Variants in UNC45B observed in about 807,000 individuals in gnomAD.
UNC45B encodes unc-45 myosin chaperone B, also known as protein unc-45 homolog B.
A neutral mutation model predicts 98.7 loss-of-function variants in UNC45B; 78 were observed. The ratio of observed to expected loss-of-function variants is 0.79; its 90% CI spans 0.66 to 0.95. The LOEUF is 0.95. Ranked by LOEUF, UNC45B falls within the 40% of genes least tolerant of loss-of-function variation. The probability of loss-of-function intolerance (pLI) is 0.00; values close to 1 mark genes in which losing one functional copy is unlikely to be tolerated. For missense variants in UNC45B, 1,225 were observed against 1,184.9 expected (o/e 1.03, Z -0.50); for synonymous variants, 462 against 480.4 (o/e 0.96, Z 0.50).
chr17:35,148,215 G>A (rs758933704), intron 1 of UNC45B, 49 bp from the exon 2 acceptor site: 8 of 1,603,054 alleles, frequency 5.0e-6, no homozygotes, highest in Non-Finnish European at 6.8e-6. Flanking sequence ...GCCCAGCCCT[G>A]GGTCTGCAGT....
chr17:35,188,083 G>C lies in UNC45B; in HGVS notation c.*1524G>C, dbSNP rs768883815. 1 of 152,218 alleles carries C rather than the reference G, an allele frequency of 6.6e-6. No individual in the cohort carries two copies. The highest frequency in any genetic ancestry group is 1.5e-5 in the Non-Finnish European group (1 of 68,034). 9.4% of individuals were successfully genotyped at this position (152,218 alleles called of 1,614,324 possible). On this transcript the variant is annotated 3_prime_UTR_variant, in exon 20 of 20. Coordinates refer to ENST00000394570, the MANE Select transcript of UNC45B (RefSeq NM_001267052.2). ...CAACATAATACCCGCTGTACCTCTA[G>C]AGAACTAAAACCTTAATTTCTCAGA...
chr17:35,177,119 C>T lies in UNC45B; in HGVS notation c.2128C>T (p.Pro710Ser), dbSNP rs2142586019. Residue 710 changes from proline (P) to serine (S), a missense_variant, in exon 16 of 20, where the codon CCT (proline) becomes TCT (serine). Transcript: ENST00000394570. The stretch of plus-strand genomic sequence containing the variant: ...TGTCTCCAATCCGGACATTGCTTTT[C>T]CTGGGGAGCGGGTAGGTGCTTGGGT... ...AAVSNPDIAF[P>S]GERVYEVVRP... 2 of 1,614,092 alleles carry T rather than the reference C, an allele frequency of 1.2e-6. No homozygotes were observed. Among genetic ancestry groups the T allele is most frequent in the East Asian group, 4.5e-5 (2 of 44,870 alleles).
intron 7 of UNC45B, 48 bp from the exon 8 acceptor site, chr17:35,159,327 G>A: frequency 6.5e-7 from 1 of 1,547,356 alleles, no homozygotes; most frequent in Admixed American, 1.8e-5. Context: ...TCATATATAT[G>A]TGAGATTTCC....
At position 35,168,102 on chromosome 17, in the gene UNC45B, C is replaced by T; in HGVS notation, c.1193C>T (p.Ala398Val). 1.3e-6 allele frequency: 2 copies of T among 1,563,164 alleles called. No homozygotes were observed. The highest frequency in any genetic ancestry group is 1.9e-5 in the Admixed American group (1 of 53,562). ...CAGGACATGGACAAGAACTTGAATG[C>T]CATCCAGACAGTGTCAGGGATCCTG... is the stretch of plus-strand genomic sequence containing the variant. ...DPQDMDKNLN[A>V]IQTVSGILQG... is the part of the protein sequence containing the mutation. The change falls in exon 10 of 20, where the codon GCC (alanine) becomes GTC (valine). Residue 398 changes from alanine (A) to valine (V), a missense_variant. Coordinates refer to ENST00000394570, the MANE Select transcript of UNC45B (RefSeq NM_001267052.2).
intron 10 of UNC45B, among the ~76,000 whole-genome samples, chr17:35,168,761 T>A (rs2092160618): frequency 6.6e-6 from 1 of 152,178 alleles, no homozygotes; most frequent in Non-Finnish European, 1.5e-5. Context: ...GGCTGGAGTG[T>A]AGCAGCGAAA....
At chr17:35,175,234 G>T (rs534440491) in intron 14 of UNC45B, among the ~76,000 whole-genome samples, 1 of 152,226 alleles carries the variant, frequency 6.6e-6, no homozygotes, top group African/African-American at 2.4e-5. Flanking sequence ...CAGGAGAAAG[G>T]AGGCCACTGT....
At chr17:35,157,966 A>G (rs2092075410) in intron 7 of UNC45B, among the ~76,000 whole-genome samples, 1 of 152,120 alleles carries the variant, frequency 6.6e-6, no homozygotes, top group South Asian at 2.1e-4. Context: ...TGCAGCCTCA[A>G]ACTTCTGGGC....
At position 35,154,643 on chromosome 17, in the gene UNC45B, G is replaced by C; in HGVS notation, c.541G>C (p.Val181Leu). The C allele has an allele frequency of 6.2e-7, 1 of 1,613,566 alleles. No homozygotes were observed. The highest frequency in any genetic ancestry group is 8.5e-7 in the Non-Finnish European group (1 of 1,179,870). The change falls in exon 6 of 20, where the codon GTA (valine) becomes CTA (leucine). Residue 181 changes from valine to leucine, a missense_variant. Physicochemically the swap from Val to Leu is conservative, Grantham distance 32 (BLOSUM62 1). Transcript: ENST00000394570. Reference sequence around the variant, plus strand: ...TGAGAAGATCTTCCAGAACAATGGAGTAGCCTTGCTACTGCAGCTTCTGGA... The same window carrying C: ...TGAGAAGATCTTCCAGAACAATGGACTAGCCTTGCTACTGCAGCTTCTGGA... ...GAEKIFQNNG[V>L]ALLLQLLDTK...
In UNC45B at chr17:35,169,853, G is replaced by A; in HGVS notation, c.1469G>A (p.Gly490Asp). The A allele has an allele frequency of 6.2e-7, 1 of 1,614,154 alleles. No homozygotes were observed. The highest frequency in any genetic ancestry group is 8.5e-7 in the Non-Finnish European group (1 of 1,180,032). ...CCTCCTCAGGGACTCTGTAAGCTCGGCTCTGCAGGTGGCACAGACTACGGT... is the reference window on the plus strand; with the variant it reads ...CCTCCTCAGGGACTCTGTAAGCTCGACTCTGCAGGTGGCACAGACTACGGT... ...IRTLVGLCKL[G>D]SAGGTDYGLR... The change falls in exon 11 of 20, where the codon GGC (glycine) becomes GAC (aspartate). Residue 490 changes from glycine to aspartate, a missense_variant. Gly to Asp is a moderately conservative substitution (Grantham distance 94). Transcript: ENST00000394570.
At chr17:35,154,868 C>A in intron 6 of UNC45B, 127 bp downstream of exon 6, 2 of 1,065,600 alleles carry the variant, frequency 1.9e-6, no homozygotes, top group Middle Eastern at 3.1e-4. Flanking sequence ...GTGCTCCAGT[C>A]TCTTTTTCCC....
chr17:35,178,327 G>A (rs1190140105), intron 17 of UNC45B, among the ~76,000 whole-genome samples: 8 of 152,202 alleles, frequency 5.3e-5, no homozygotes, highest in African/African-American at 1.7e-4. Context: ...TCTGTTGGCT[G>A]CATAAATGTC....
At chr17:35,181,490 C>A (rs970458065) in intron 18 of UNC45B, among the ~76,000 whole-genome samples, 1 of 152,174 alleles carries the variant, frequency 6.6e-6, no homozygotes, top group Non-Finnish European at 1.5e-5. Context: ...GAAAACCTAA[C>A]CCATTAAAGC....
chr17:35,170,386 TC>T (rs1024279011), intron 12 of UNC45B, 131 bp downstream of exon 12: 3 of 1,145,918 alleles, frequency 2.6e-6, no homozygotes, highest in African/African-American at 3.1e-5. Context: ...ATTGGTTATT[TC>T]CCCCTTTCTG....
chr17:35,180,472 G>A lies in UNC45B; in HGVS notation c.2256-87G>A, dbSNP rs994187518. ...GATGTGGGAAGGACAGCACCAGAAT[G>A]GAAGAATGGTCCCTGGGTGGCCAGA... On this transcript the variant is annotated intron_variant, in intron 17 of 19. Transcript: ENST00000394570. 4 of 1,002,932 alleles carry A rather than the reference G, an allele frequency of 4.0e-6. No individual in the cohort carries two copies. The African/African-American group carries it at 6.4e-5, about 16-fold the overall frequency. 62.1% of individuals were successfully genotyped at this position (1,002,932 alleles called of 1,614,324 possible).
rs1379758327 is a variant in UNC45B at position 35,174,300 on chromosome 17, C to G, written c.1889C>G (p.Ser630Cys). 1 of 1,614,238 alleles carries G rather than the reference C, an allele frequency of 6.2e-7. No individual in the cohort carries two copies. The highest frequency in any genetic ancestry group is 8.5e-7 in the Non-Finnish European group (1 of 1,180,046). The change falls in exon 14 of 20, where the codon TCT becomes TGT. Residue 630 changes from serine (S) to cysteine (C), a missense_variant. By Grantham distance (112) the Ser-to-Cys change is moderately radical (BLOSUM62 -1). Coordinates refer to ENST00000394570, the MANE Select transcript of UNC45B (RefSeq NM_001267052.2). ...CGGCTTCTGAAGGCGGGTGTCATCTCTGCCCTGGCTTGCATGGTGAAAGCA... is the reference window on the plus strand; with the variant it reads ...CGGCTTCTGAAGGCGGGTGTCATCTGTGCCCTGGCTTGCATGGTGAAAGCA... The part of the protein sequence containing the change: ...VKRLLKAGVI[S>C]ALACMVKADS...
At position 35,154,628 on chromosome 17, in the gene UNC45B, T is replaced by G; in HGVS notation, c.526T>G (p.Phe176Val). The G allele has an allele frequency of 6.2e-7, 1 of 1,613,612 alleles. No homozygotes were observed. Among genetic ancestry groups the G allele is most frequent in the Non-Finnish European group, 8.5e-7 (1 of 1,179,882 alleles). Residue 176 changes from phenylalanine (F) to valine (V), a missense_variant, in exon 6 of 20, where the codon TTC (phenylalanine) becomes GTC (valine). By Grantham distance (50) the Phe-to-Val change is conservative (BLOSUM62 -1). Coordinates refer to ENST00000394570, the MANE Select transcript of UNC45B (RefSeq NM_001267052.2). ...TGAGGAAGCAGGGGCTGAGAAGATC[T>G]TCCAGAACAATGGAGTAGCCTTGCT... ...GREEAGAEKI[F>V]QNNGVALLLQ...
At chr17:35,175,060 GAAGAAAGAAAGA>G (rs55847819) in intron 14 of UNC45B, among the ~76,000 whole-genome samples, 37 of 110,158 alleles carry the variant, frequency 3.4e-4, no homozygotes, top group African/African-American at 1.0e-3. Flanking sequence ...AGAAAGGAAA[GAAGAAAGAAAGA>G]AAGAAAGAAA....
intron 19 of UNC45B, among the ~76,000 whole-genome samples, chr17:35,185,609 G>A (rs1180425856): frequency 1.3e-5 from 2 of 151,948 alleles, no homozygotes; most frequent in Non-Finnish European, 2.9e-5. Flanking sequence ...CCTGGCCTGG[G>A]TTGGTGTCTT....
At chr17:35,157,502 A>G (rs1033141822) in intron 7 of UNC45B, among the ~76,000 whole-genome samples, 1 of 152,128 alleles carries the variant, frequency 6.6e-6, no homozygotes, top group African/African-American at 2.4e-5. Context: ...ATACCTGGCC[A>G]CATTTATAAT....
Sources: gnomAD v4.1 joint callset for allele counts (sites outside exome capture counted in the v4.1 genomes callset) on GRCh38, gnomAD v4.1.1 for gene constraint, MANE v1.5 for transcripts, NCBI Gene and HGNC (gene_info 2026-07-23, HGNC 2026-07-21) for gene names.